UIMC1: variants seen among roughly 807,000 people sequenced by gnomAD.
UIMC1 encodes ubiquitin interaction motif containing 1.
A neutral mutation model predicts 84.9 loss-of-function variants in UIMC1; 42 were observed. The ratio of observed to expected loss-of-function variants is 0.49; its 90% CI spans 0.39 to 0.64. UIMC1 has a LOEUF of 0.64. Ranked by LOEUF, UIMC1 falls within the 30% of genes least tolerant of loss-of-function variation. The pLI is 0.00. For synonymous variants in UIMC1, 281 were observed against 293.0 expected (o/e 0.96, Z 0.42); for missense variants, 825 against 847.6 (o/e 0.97, Z 0.33).
At chr5:177,010,764 C>T (rs1326013886), upstream of UIMC1, among the ~76,000 whole-genome samples, 1 of 152,172 alleles carries the variant, frequency 6.6e-6, no homozygotes, top group African/African-American at 2.4e-5. Flanking sequence ...CTCAGGTAAG[C>T]CGCCTGCCTC....
At chr5:176,956,600 T>C (rs353502) in intron 7 of UIMC1, among the ~76,000 whole-genome samples, 5,817 of 152,276 alleles carry the variant, frequency 0.038, 372 homozygotes, top group African/African-American at 0.13. Flanking sequence ...AACTTAATTA[T>C]GAATGGCTTC....
At chr5:177,003,975 T>A (rs905668913) in intron 1 of UIMC1, among the ~76,000 whole-genome samples, 1 of 152,108 alleles carries the variant, frequency 6.6e-6, no homozygotes, top group Non-Finnish European at 1.5e-5. Context: ...ACTACAGACA[T>A]GTGCCAACAA....
intron 8 of UIMC1, among the ~76,000 whole-genome samples, chr5:176,955,184 T>C (rs1039194919): frequency 2.6e-5 from 4 of 152,240 alleles, no homozygotes; most frequent in Non-Finnish European, 5.9e-5. Context: ...ATGGTAAGTA[T>C]CTTAGTTCAT....
upstream of UIMC1, among the ~76,000 whole-genome samples, chr5:177,007,216 T>C (rs1269356262): frequency 9.9e-5 from 15 of 151,284 alleles, no homozygotes; most frequent in Admixed American, 9.9e-4. Context: ...GGCGCGTGCG[T>C]GTAATAACAG....
chr5:176,905,564 CA>C, intron 14 of UIMC1, 72 bp from the exon 15 acceptor site: 1 of 1,380,288 alleles, frequency 7.2e-7, no homozygotes, highest in Non-Finnish European at 1.0e-6. Context: ...TGCACTGTAT[CA>C]GGGGATTTTA....
rs553522314 is a variant in UIMC1 at position 176,950,162 on chromosome 5, C to T, written c.1443+1312G>A. Among the ~76,000 whole-genome samples, 375 of 140,306 alleles carry T rather than the reference C, an allele frequency of 2.7e-3. 1 individual carries two copies. The highest frequency in any genetic ancestry group is 1.0e-2 in the African/African-American group (365 of 36,660). 92.0% of individuals were successfully genotyped at this position (140,306 alleles called of 152,430 possible). A position where few individuals can be genotyped will look rare whatever the true frequency, so the allele number is the denominator to read the frequency against. ...GTTGCCAGGCTGGAGTGCAGTGGCGCGATCTCAGCTCACTGCAACCTCCGA... is the reference window on the plus strand; with the variant it reads ...GTTGCCAGGCTGGAGTGCAGTGGCGTGATCTCAGCTCACTGCAACCTCCGA... On this transcript the variant is annotated intron_variant, in intron 9 of 14. Coordinates refer to ENST00000511320, the MANE Select transcript of UIMC1 (RefSeq NM_001199298.2).
rs544915147 is a variant in UIMC1 at position 176,946,343 on chromosome 5, C to G, written c.1444-2855G>C. 5.9e-5 allele frequency among the ~76,000 whole-genome samples: 9 copies of G among 152,234 alleles called. No individual in the cohort carries two copies. The East Asian group carries it at 1.7e-3, about 29-fold the overall frequency. On this transcript the variant is annotated intron_variant, in intron 9 of 14. Coordinates refer to ENST00000511320, the MANE Select transcript of UIMC1 (RefSeq NM_001199298.2). ...CCTGACCAACATAGCGAAACCCCAT[C>G]TCTACTGAAAATACAAAAATTAGCT...
rs1015176406 is a variant in UIMC1, at chr5:177,006,734, G to C, written c.-93C>G. On this transcript the variant is annotated 5_prime_UTR_variant, in exon 1 of 15. Coordinates refer to ENST00000511320, the MANE Select transcript of UIMC1 (RefSeq NM_001199298.2). ...CACGTTGGGAGCGCGGGGGGAGGGGGAGGGGCGCGCGCGTCCGATGCCAGA... is the reference window on the plus strand; with the variant it reads ...CACGTTGGGAGCGCGGGGGGAGGGGCAGGGGCGCGCGCGTCCGATGCCAGA... 1 of 152,198 alleles carries C rather than the reference G, an allele frequency of 6.6e-6. No homozygotes were observed. The highest frequency in any genetic ancestry group is 1.5e-5 in the Non-Finnish European group (1 of 68,038). The allele number at this position is 152,198 out of a possible 1,614,324, so 9.4% of individuals were successfully genotyped here.
At chr5:177,014,668 A>C (rs533871403) in intron 1 of UIMC1, among the ~76,000 whole-genome samples, 1 of 152,230 alleles carries the variant, frequency 6.6e-6, no homozygotes, top group South Asian at 2.1e-4. Flanking sequence ...ACTTCACTCC[A>C]GCCTGGGTGA....
At chr5:176,969,333 T>A (rs17078677) in intron 5 of UIMC1, 42 bp from the exon 6 acceptor site, 65,536 of 1,552,152 alleles carry the variant, frequency 0.042, 3,959 homozygotes, top group African/African-American at 0.27. Flanking sequence ...GACAAACTTT[T>A]TTATTAAGAG....
intron 6 of UIMC1, among the ~76,000 whole-genome samples, chr5:176,958,953 C>T (rs1433056923): frequency 6.6e-6 from 1 of 152,204 alleles, no homozygotes; most frequent in Non-Finnish European, 1.5e-5. Flanking sequence ...TTCCACTAGA[C>T]ATAAAGCTAC....
intron 1 of UIMC1, among the ~76,000 whole-genome samples, chr5:176,992,990 A>G (rs946396694): frequency 6.6e-6 from 1 of 151,964 alleles, no homozygotes; most frequent in Admixed American, 6.6e-5. Flanking sequence ...GTTGGAGACC[A>G]GCATGGCCAA....
chr5:176,915,723 G>C (rs1454097527), intron 10 of UIMC1, among the ~76,000 whole-genome samples: 2 of 149,490 alleles, frequency 1.3e-5, no homozygotes, highest in Non-Finnish European at 3.0e-5. Flanking sequence ...CAAAGTGCTG[G>C]GATTACAGGC....
intron 10 of UIMC1, among the ~76,000 whole-genome samples, chr5:176,926,041 T>C (rs1011160417): frequency 6.6e-6 from 1 of 152,206 alleles, no homozygotes; most frequent in Non-Finnish European, 1.5e-5. Context: ...AAGATATTAA[T>C]GGAATCTAAG....
chr5:177,016,883 C>A (rs1775685644), intron 1 of UIMC1, among the ~76,000 whole-genome samples: 1 of 149,870 alleles, frequency 6.7e-6, no homozygotes, highest in Non-Finnish European at 1.5e-5. Flanking sequence ...AATAGCCAGG[C>A]ATGGTGGCGG....
At chr5:176,935,166 TG>T (rs10717548) in intron 10 of UIMC1, among the ~76,000 whole-genome samples, 4,082 of 152,330 alleles carry the variant, frequency 0.027, 201 homozygotes, top group African/African-American at 0.093. Context: ...TTCATACAAA[TG>T]TTAACCCACA....
intron 10 of UIMC1, among the ~76,000 whole-genome samples, chr5:176,931,538 G>A (rs1239498616): frequency 2.6e-5 from 4 of 152,212 alleles, no homozygotes; most frequent in Non-Finnish European, 4.4e-5. Context: ...AGAGGAACAA[G>A]ATGGGAAGTG....
chr5:177,006,169 C>G (rs1412804394), intron 1 of UIMC1: 1 of 152,256 alleles, frequency 6.6e-6, no homozygotes, highest in Non-Finnish European at 1.5e-5. Context: ...GGATGCAGGC[C>G]GCCCCCCAGG....
At chr5:176,948,794 G>C (rs914787587) in intron 9 of UIMC1, among the ~76,000 whole-genome samples, 1 of 152,112 alleles carries the variant, frequency 6.6e-6, no homozygotes, top group African/African-American at 2.4e-5. Flanking sequence ...TGCAATGCTC[G>C]AGCTCCTTGT....
Sources: gnomAD v4.1 joint callset for allele counts (sites outside exome capture counted in the v4.1 genomes callset) on GRCh38, gnomAD v4.1.1 for gene constraint, MANE v1.5 for transcripts, NCBI Gene and HGNC (gene_info 2026-07-23, HGNC 2026-07-21) for gene names.